MYO16: variants seen among roughly 807,000 people sequenced by gnomAD.
The protein encoded by MYO16 is myosin XVI, also known as unconventional myosin-XVI.
In MYO16, 94 loss-of-function variants were observed where a neutral mutation model predicts 205.3. The observed-to-expected ratio is 0.46, with a 90% CI of 0.39 to 0.54. The LOEUF (loss-of-function observed/expected upper bound fraction) is 0.54, where lower values mean the gene tolerates loss of function less well. Among genes scored for constraint, MYO16 ranks in the 20% least tolerant of loss-of-function variants. The pLI, the probability that MYO16 is intolerant of heterozygous loss-of-function variation, is 0.00. For synonymous variants in MYO16, 988 were observed against 954.0 expected, an observed-to-expected ratio of 1.04 and a Z score of -0.66; for missense variants, 2,315 against 2,387.5, an observed-to-expected ratio of 0.97 and a Z score of 0.63.
At chr13:108,714,092 T>C (rs186493454) in intron 3 of MYO16, among the ~76,000 whole-genome samples, 1 of 152,186 alleles carries the variant, frequency 6.6e-6, no homozygotes, top group Non-Finnish European at 1.5e-5. Context: ...AGTCTCACTC[T>C]GTCGCCCAGG....
At chr13:108,638,589 T>C (rs1179012576) in intron 1 of MYO16, among the ~76,000 whole-genome samples, 1 of 152,094 alleles carries the variant, frequency 6.6e-6, no homozygotes, top group African/African-American at 2.4e-5. Flanking sequence ...CTTGCTTTTC[T>C]GAAAATAATT....
At chr13:108,848,152 T>G (rs1390082456) in intron 10 of MYO16, among the ~76,000 whole-genome samples, 2 of 152,086 alleles carry the variant, frequency 1.3e-5, no homozygotes, top group Non-Finnish European at 2.9e-5. Flanking sequence ...GATGGATGTA[T>G]TATTTGTACT....
rs1364196386 is a variant in MYO16 at position 108,752,812 on chromosome 13, T to C, written c.507+25229T>C. On this transcript the variant is annotated intron_variant, in intron 4 of 34. Coordinates refer to ENST00000457511, the MANE Select transcript of MYO16 (RefSeq NM_001198950.3). ...ACCTGCCACCGTGCCCAGCTAATTT[T>C]TTTTTTTTTTTTTTTTTTTTTAGTA... Among the ~76,000 whole-genome samples the C allele has an allele frequency of 5.9e-5, 5 of 85,408 alleles. 1 individual carries two copies. Among genetic ancestry groups the C allele is most frequent in the Non-Finnish European group, 1.2e-4 (5 of 42,794 alleles). The allele number at this position is 85,408 out of a possible 152,430, so 56.0% of individuals were successfully genotyped here.
chr13:108,992,068 T>A (rs563593080), intron 20 of MYO16, among the ~76,000 whole-genome samples: 22 of 152,256 alleles, frequency 1.4e-4, no homozygotes, highest in African/African-American at 5.3e-4. Context: ...GGGAGAAAAT[T>A]TTTGCAAACT....
intron 34 of MYO16, among the ~76,000 whole-genome samples, chr13:109,186,396 G>A (rs1317402178): frequency 6.6e-6 from 1 of 152,136 alleles, no homozygotes; most frequent in Non-Finnish European, 1.5e-5. Context: ...ATGAGCACAA[G>A]GCAGATGGTG....
intron 23 of MYO16, among the ~76,000 whole-genome samples, chr13:109,028,155 CCTT>C (rs1886424195): frequency 6.6e-6 from 1 of 151,494 alleles, no homozygotes; most frequent in African/African-American, 2.4e-5. Context: ...ATTTTCTGGC[CCTT>C]CTTATGACAC....
At chr13:108,948,459 G>A (rs559448107) in intron 16 of MYO16, among the ~76,000 whole-genome samples, 109 of 152,258 alleles carry the variant, frequency 7.2e-4, no homozygotes, top group African/African-American at 1.9e-3. Context: ...GCATGCCTTG[G>A]GTACACAAGT....
intron 9 of MYO16, among the ~76,000 whole-genome samples, chr13:108,833,540 TTTG>T (rs960941095): frequency 1.3e-5 from 2 of 152,166 alleles, no homozygotes; most frequent in African/African-American, 2.4e-5. Context: ...TCTGTTAGTT[TTTG>T]TTGTTGTTGT....
the MYO16 span, among the ~76,000 whole-genome samples, chr13:108,544,066 CAAAAA>C: frequency 3.9e-5 from 2 of 51,386 alleles, no homozygotes; most frequent in African/African-American, 7.0e-5. Flanking sequence ...ACTCCGTCTC[CAAAAA>C]AAAAAAAAAA....
intron 29 of MYO16, among the ~76,000 whole-genome samples, chr13:109,122,686 CA>C (rs34459718): frequency 0.043 from 4,262 of 99,024 alleles, 154 homozygotes; most frequent in East Asian, 0.23. Context: ...AACTCTGTCT[CA>C]AAAAAAAAAA....
At chr13:109,040,375 C>CAGAGAGAGAG (rs1886842684) in intron 23 of MYO16, among the ~76,000 whole-genome samples, 3 of 79,180 alleles carry the variant, frequency 3.8e-5, no homozygotes, top group Non-Finnish European at 5.0e-5. Flanking sequence ...CACACACACA[C>CAGAGAGAGAG]ACACACACAC....
chr13:108,952,544 A>T (rs1883197316), intron 16 of MYO16, among the ~76,000 whole-genome samples: 1 of 152,222 alleles, frequency 6.6e-6, no homozygotes, highest in Admixed American at 6.5e-5. Context: ...AGTATCAAGA[A>T]ATACTAGTTC....
chr13:108,994,223 G>GTCTC (rs1405674242), intron 21 of MYO16, among the ~76,000 whole-genome samples: 1 of 151,910 alleles, frequency 6.6e-6, no homozygotes, highest in East Asian at 1.9e-4. Context: ...TAAAGAGCCA[G>GTCTC]TCTCTATTAA....
Position 108,793,423 on chromosome 13 carries a change from A to T in MYO16, c.617-93A>T, listed in dbSNP as rs1377567071. 4.5e-5 allele frequency: 55 copies of T among 1,228,766 alleles called. No homozygotes were observed. The Admixed American group carries it at 1.2e-3, about 28-fold the overall frequency. 76.1% of individuals were successfully genotyped at this position (1,228,766 alleles called of 1,614,324 possible). On this transcript the variant is annotated intron_variant, in intron 5 of 34. Transcript: ENST00000457511. ...TGGAAGAGAAGCTTCAAAGAAAAAC[A>T]CATTGAAAGAATAGGTTATAAAGCT...
At chr13:108,674,103 C>T (rs935732858) in intron 2 of MYO16, among the ~76,000 whole-genome samples, 2 of 152,178 alleles carry the variant, frequency 1.3e-5, no homozygotes, top group African/African-American at 2.4e-5. Flanking sequence ...GACATCTCTT[C>T]ATTTAGAAGT....
chr13:108,910,853 A>G (rs766991390), intron 16 of MYO16, among the ~76,000 whole-genome samples: 7 of 152,130 alleles, frequency 4.6e-5, no homozygotes, highest in Non-Finnish European at 1.0e-4. Context: ...TCCAAACTCA[A>G]TTCAGTGGCG....
intron 9 of MYO16, among the ~76,000 whole-genome samples, chr13:108,840,151 A>G (rs1016608611): frequency 2.6e-5 from 4 of 152,172 alleles, no homozygotes; most frequent in Non-Finnish European, 5.9e-5. Flanking sequence ...ATGCTATCTC[A>G]TGTTAATATA....
intron 4 of MYO16, among the ~76,000 whole-genome samples, chr13:108,745,393 A>G (rs901641282): frequency 5.3e-5 from 8 of 152,214 alleles, no homozygotes; most frequent in African/African-American, 1.7e-4. Flanking sequence ...GGTTCCCACA[A>G]GGAAGATTGG....
intron 2 of MYO16, among the ~76,000 whole-genome samples, chr13:108,710,150 A>G (rs1004737344): frequency 6.6e-6 from 1 of 152,198 alleles, no homozygotes; most frequent in Non-Finnish European, 1.5e-5. Context: ...CTCCCTTGCC[A>G]GCTTCTGAAA....
Sources: gnomAD v4.1 joint callset for allele counts (sites outside exome capture counted in the v4.1 genomes callset) on GRCh38, gnomAD v4.1.1 for gene constraint, MANE v1.5 for transcripts, NCBI Gene and HGNC (gene_info 2026-07-23, HGNC 2026-07-21) for gene names.